METTL8: variants seen among roughly 807,000 people sequenced by gnomAD.
METTL8 encodes methyltransferase 8, tRNA N3-cytidine, also known as tRNA N(3)-cytidine methyltransferase METTL8, mitochondrial.
Under a neutral mutation model 48.7 loss-of-function variants are expected in METTL8, and 32 were observed. The ratio of observed to expected loss-of-function variants is 0.66; its 90% CI spans 0.50 to 0.88. The LOEUF (loss-of-function observed/expected upper bound fraction) is 0.88, where lower values mean the gene tolerates loss of function less well. METTL8 is among the 40% of genes least tolerant of loss of function. METTL8 has a pLI of 0.00. For missense variants in METTL8, 464 were observed against 474.4 expected, an observed-to-expected ratio of 0.98 and a Z score of 0.20; for synonymous variants, 136 against 157.1, an observed-to-expected ratio of 0.87 and a Z score of 1.01.
intron 1 of METTL8, among the ~76,000 whole-genome samples, chr2:171,430,487 T>G (rs1054515059): frequency 2.6e-5 from 4 of 152,056 alleles, no homozygotes; most frequent in African/African-American, 9.7e-5. Context: ...TATACCTATA[T>G]AACAAAACTG....
intron 2 of METTL8, among the ~76,000 whole-genome samples, chr2:171,375,432 G>C (rs1228862747): frequency 1.3e-5 from 2 of 152,202 alleles, no homozygotes; most frequent in East Asian, 3.8e-4. Context: ...CCCACCAGCA[G>C]TGTATGAAAG....
intron 3 of METTL8, among the ~76,000 whole-genome samples, chr2:171,357,490 T>C (rs1414790944): frequency 6.6e-6 from 1 of 152,116 alleles, no homozygotes; most frequent in African/African-American, 2.4e-5. Flanking sequence ...GTGAAAAATC[T>C]ATACAGGAAA....
At position 171,417,600 on chromosome 2, in the gene METTL8, G is replaced by A. The variant is rs137885857; in HGVS notation, c.-13+16283C>T. 6.3e-3 allele frequency among the ~76,000 whole-genome samples: 954 copies of A among 152,282 alleles called. 8 individuals carry two copies. Among genetic ancestry groups the A allele is most frequent in the Non-Finnish European group, 0.01 (688 of 68,016 alleles). ...GGTTACACAGATACTAAGCAGTGAGGCTGAGATCTGAACCCAGGCAGGCTG... is the reference window on the plus strand; with the variant it reads ...GGTTACACAGATACTAAGCAGTGAGACTGAGATCTGAACCCAGGCAGGCTG... On this transcript the variant is annotated intron_variant, in intron 1 of 9. Coordinates refer to ENST00000375258, the MANE Select transcript of METTL8 (RefSeq NM_001321154.2).
At chr2:171,365,916 C>G (rs1685668511) in intron 2 of METTL8, among the ~76,000 whole-genome samples, 1 of 152,228 alleles carries the variant, frequency 6.6e-6, no homozygotes, top group African/African-American at 2.4e-5. Context: ...GGGACACATT[C>G]TAGACTGTGG....
rs1343376361 is a variant in METTL8 at position 171,330,625 on chromosome 2, G to C, written c.794C>G (p.Pro265Arg). ...GACATCCAGGATCCCATCTGGAAAA[G>C]GGTAAGGTAAGCCATCATCACATAC... ...HDVCDDGLPY[P>R]FPDGILDVIL... is the part of the protein sequence containing the mutation. Residue 265 changes from proline to arginine, a missense_variant, in exon 7 of 10, where the codon CCT becomes CGT. By Grantham distance (103) the Pro-to-Arg change is moderately radical. Transcript: ENST00000375258. The C allele has an allele frequency of 2.5e-6, 4 of 1,613,450 alleles. No individual in the cohort carries two copies. In the African/African-American group the frequency reaches 5.3e-5, roughly 22 times the overall value.
chr2:171,370,255 T>C (rs1369696578), intron 2 of METTL8, among the ~76,000 whole-genome samples: 1 of 152,164 alleles, frequency 6.6e-6, no homozygotes, highest in African/African-American at 2.4e-5. Flanking sequence ...ATTTAATAGG[T>C]CCAAACATTA....
Position 171,317,172 on chromosome 2 carries a change from C to T in METTL8, c.*7000G>A, listed in dbSNP as rs1271321614. On this transcript the variant is annotated 3_prime_UTR_variant, in exon 10 of 10. Coordinates refer to ENST00000375258, the MANE Select transcript of METTL8 (RefSeq NM_001321154.2). Reference sequence around the variant, plus strand: ...ACACAGGTTTAGTGCTTGCTTCCAGCGGAAAAGCCTTAAAAGCCCAAAGGG... The same window carrying T: ...ACACAGGTTTAGTGCTTGCTTCCAGTGGAAAAGCCTTAAAAGCCCAAAGGG... Among the ~76,000 whole-genome samples the T allele has an allele frequency of 7.2e-5, 11 of 152,136 alleles. No individual in the cohort carries two copies. Among genetic ancestry groups the T allele is most frequent in the African/African-American group, 2.4e-4 (10 of 41,420 alleles).
intron 4 of METTL8, 35 bp from the exon 5 acceptor site, chr2:171,337,537 G>C: frequency 6.4e-6 from 10 of 1,562,400 alleles, no homozygotes; most frequent in Non-Finnish European, 8.7e-6. Context: ...ATCAAAAAAA[G>C]CAAGGTTAAA....
At chr2:171,385,173 G>A (rs185461456) in intron 2 of METTL8, among the ~76,000 whole-genome samples, 113 of 152,076 alleles carry the variant, frequency 7.4e-4, no homozygotes, top group Non-Finnish European at 1.4e-3. Context: ...AGCATTTTGG[G>A]AGGCCAACAC....
intron 6 of METTL8, 42 bp from the exon 7 acceptor site, chr2:171,330,740 A>G (rs780057270): frequency 6.6e-7 from 1 of 1,519,498 alleles, no homozygotes; most frequent in Non-Finnish European, 8.8e-7. Flanking sequence ...AGGACTTAGT[A>G]GACTTCCGGG....
intron 5 of METTL8, among the ~76,000 whole-genome samples, chr2:171,334,838 A>C (rs546059407): frequency 8.5e-5 from 13 of 152,310 alleles, no homozygotes; most frequent in African/African-American, 2.4e-4. Flanking sequence ...GAGAGATATT[A>C]ATCAGGCAAT....
chr2:171,363,814 A>ATATATC (rs1450355003), intron 2 of METTL8, among the ~76,000 whole-genome samples: 1 of 131,184 alleles, frequency 7.6e-6, no homozygotes, highest in African/African-American at 2.7e-5. Context: ...ATATATATAT[A>ATATATC]TCTTTTTTTT....
intron 2 of METTL8, among the ~76,000 whole-genome samples, chr2:171,364,677 AAC>A (rs150877885): frequency 2.6e-5 from 4 of 151,842 alleles, no homozygotes; most frequent in South Asian, 2.1e-4. Context: ...GAAAAGTTAA[AAC>A]ACACACACAC....
intron 3 of METTL8, among the ~76,000 whole-genome samples, chr2:171,351,457 T>A (rs1394436526): frequency 6.6e-6 from 1 of 152,098 alleles, no homozygotes; most frequent in Non-Finnish European, 1.5e-5. Context: ...CTCTTTTTTG[T>A]TTCCATATGA....
chr2:171,344,694 A>C (rs910934842), intron 3 of METTL8, among the ~76,000 whole-genome samples: 12 of 152,232 alleles, frequency 7.9e-5, no homozygotes, highest in African/African-American at 2.9e-4. Context: ...GACAGAAACA[A>C]AACAGAGAAG....
chr2:171,388,155 CT>C, intron 2 of METTL8, among the ~76,000 whole-genome samples: 1 of 152,204 alleles, frequency 6.6e-6, no homozygotes, highest in Non-Finnish European at 1.5e-5. Context: ...TCAGAGTCAA[CT>C]TCTTCCTTTT....
chr2:171,412,180 T>C (rs1434376259), intron 1 of METTL8, among the ~76,000 whole-genome samples: 1 of 152,218 alleles, frequency 6.6e-6, no homozygotes, highest in Non-Finnish European at 1.5e-5. Context: ...TATTCTACAA[T>C]GTCATCGAGG....
At chr2:171,346,890 C>G (rs1687321576) in intron 3 of METTL8, among the ~76,000 whole-genome samples, 1 of 152,202 alleles carries the variant, frequency 6.6e-6, no homozygotes, top group Non-Finnish European at 1.5e-5. Flanking sequence ...GTGATCCCTA[C>G]AGAAATTGCG....
At chr2:171,350,147 G>C (rs929088070) in intron 3 of METTL8, among the ~76,000 whole-genome samples, 5 of 152,072 alleles carry the variant, frequency 3.3e-5, no homozygotes, top group Non-Finnish European at 7.4e-5. Context: ...AGTGTGTGAT[G>C]TTCCCCATCC....
Sources: gnomAD v4.1 joint callset for allele counts (sites outside exome capture counted in the v4.1 genomes callset) on GRCh38, gnomAD v4.1.1 for gene constraint, MANE v1.5 for transcripts, NCBI Gene and HGNC (gene_info 2026-07-23, HGNC 2026-07-21) for gene names.